The following SLC9A7 variants were observed in gnomAD, a reference collection of about 807,000 sequenced individuals.
SLC9A7 encodes the protein sodium/hydrogen exchanger 7.
In SLC9A7, 19 loss-of-function variants were observed where a neutral mutation model predicts 52.6. The ratio of observed to expected loss-of-function variants is 0.36; its 90% CI spans 0.25 to 0.53. The LOEUF (loss-of-function observed/expected upper bound fraction) is 0.53. Ranked by LOEUF, SLC9A7 falls within the 20% of genes least tolerant of loss-of-function variation. The pLI, the probability that SLC9A7 is intolerant of heterozygous loss-of-function variation, is 0.91. For synonymous variants in SLC9A7, 226 were observed against 252.1 expected, an observed-to-expected ratio of 0.90 and a Z score of 0.98; for missense variants, 455 against 597.9, an observed-to-expected ratio of 0.76 and a Z score of 2.49.
intron 14 of SLC9A7, among the ~76,000 whole-genome samples, chrX:46,629,837 C>CT (rs1473844116): frequency 1.8e-5 from 2 of 111,668 alleles, no homozygotes; most frequent in Non-Finnish European, 3.8e-5. Flanking sequence ...CAAGATCTCC[C>CT]AAACTGTTAT....
At chrX:46,662,195 C>T in intron 6 of SLC9A7, 38 bp from the exon 7 acceptor site, 1 of 1,163,298 alleles carries the variant, frequency 8.6e-7, no homozygotes, top group African/African-American at 1.8e-5. Context: ...TAAAAGACTG[C>T]ACAGGTTTTA....
At chrX:46,753,608 T>G (rs1227676880) in intron 1 of SLC9A7, among the ~76,000 whole-genome samples, 1 of 112,036 alleles carries the variant, frequency 8.9e-6, no homozygotes, top group East Asian at 2.8e-4. Flanking sequence ...CAACAAATAT[T>G]GCTGTCTATA....
At chrX:46,647,063 T>C in intron 11 of SLC9A7, 1 of 323,003 alleles carries the variant, frequency 3.1e-6, no homozygotes, top group South Asian at 3.1e-5. Context: ...ACCACCAGAG[T>C]GCCACTCATT....
intron 1 of SLC9A7, among the ~76,000 whole-genome samples, chrX:46,686,920 CG>C (rs1944304448): frequency 1.8e-5 from 2 of 112,203 alleles, no homozygotes; most frequent in Admixed American, 1.9e-4. Flanking sequence ...GGCAAAAATT[CG>C]AGACTGTTTC....
At chrX:46,686,363 C>G (rs1309001599) in intron 1 of SLC9A7, among the ~76,000 whole-genome samples, 2 of 111,864 alleles carry the variant, frequency 1.8e-5, no homozygotes, top group Admixed American at 9.5e-5. Context: ...GTTTGGGTAC[C>G]TCCCCAGACA....
chrX:46,606,622 C>T lies in SLC9A7; in HGVS notation c.*330G>A. The T allele has an allele frequency of 1.1e-6, 1 of 915,176 alleles. No individual in the cohort carries two copies. The highest frequency in any genetic ancestry group is 1.4e-6 in the Non-Finnish European group (1 of 739,870). The allele number at this position is 915,176 out of a possible 1,213,427, so 75.4% of individuals were successfully genotyped here. A position where few individuals can be genotyped will look rare whatever the true frequency, so the allele number is the denominator to read the frequency against. On this transcript the variant is annotated 3_prime_UTR_variant, in exon 17 of 17. Transcript: ENST00000616978. ...TCATGGGAGGAATCCCCCCACCCAG[C>T]ACCTGCCTCGCCTTGTTCAGATACT...
chrX:46,751,731 G>T (rs1922249224), intron 1 of SLC9A7, among the ~76,000 whole-genome samples: 1 of 110,786 alleles, frequency 9.0e-6, no homozygotes, highest in African/African-American at 3.3e-5. Flanking sequence ...GATCACTTGA[G>T]CCCAGGAAGT....
chrX:46,674,725 C>T (rs1803027033), intron 3 of SLC9A7, among the ~76,000 whole-genome samples: 1 of 111,877 alleles, frequency 8.9e-6, no homozygotes, highest in Admixed American at 9.6e-5. Context: ...GATCTTTCAT[C>T]CCACCCTTAT....
chrX:46,664,572 G>A (rs937198658), intron 5 of SLC9A7, among the ~76,000 whole-genome samples: 4 of 110,840 alleles, frequency 3.6e-5, no homozygotes, highest in Non-Finnish European at 7.6e-5. Flanking sequence ...ATAGAACTTT[G>A]TCAGTCCCCT....
At chrX:46,682,072 C>A (rs2072841) in intron 2 of SLC9A7, among the ~76,000 whole-genome samples, 4 of 111,685 alleles carry the variant, frequency 3.6e-5, no homozygotes, top group Non-Finnish European at 7.5e-5. Flanking sequence ...TGAGTGGGGA[C>A]GTACAAATCC....
chrX:46,604,314 T>G lies in SLC9A7; in HGVS notation c.*2638A>C, dbSNP rs776019162. 1.8e-5 allele frequency: 2 copies of G among 112,534 alleles called. No homozygotes were observed. The highest frequency in any genetic ancestry group is 3.7e-4 in the South Asian group (1 of 2,726). 9.3% of individuals were successfully genotyped at this position (112,534 alleles called of 1,213,427 possible). A position where few individuals can be genotyped will look rare whatever the true frequency, so the allele number is the denominator to read the frequency against. On this transcript the variant is annotated 3_prime_UTR_variant, in exon 17 of 17. Coordinates refer to ENST00000616978, the MANE Select transcript of SLC9A7 (RefSeq NM_001257291.2). ...TAGCCTAGTTGACCCTGAGGGCTCA[T>G]GGGTTTGGATAGGTTGTTTAGCATT...
At position 46,621,056 on chromosome X, in the gene SLC9A7, C is replaced by A. The variant is rs143878309; in HGVS notation, c.1744G>T (p.Gly582Cys). The A allele has an allele frequency of 3.4e-6, 4 of 1,191,363 alleles. No homozygotes were observed. Among genetic ancestry groups the A allele is most frequent in the African/African-American group, 3.5e-5 (2 of 56,888 alleles). Reference protein sequence around the residue: ...NDSFQVLQGDGPDSARGNRTK... With the variant: ...NDSFQVLQGDCPDSARGNRTK... The stretch of plus-strand genomic sequence containing the variant: ...CGGTTTCCTCTGGCAGAATCTGGGC[C>A]GTCCTAGGAACAAACAAGAGGGCAC... The change falls in exon 15 of 17, where the codon GGC (glycine) becomes TGC (cysteine). Residue 582 changes from glycine (G) to cysteine (C), a missense_variant. Gly to Cys is a radical substitution (Grantham distance 159). Coordinates refer to ENST00000616978, the MANE Select transcript of SLC9A7 (RefSeq NM_001257291.2).
chrX:46,653,417 G>T (rs1943616081), intron 8 of SLC9A7, among the ~76,000 whole-genome samples, 192 bp downstream of exon 8: 1 of 111,800 alleles, frequency 8.9e-6, no homozygotes, highest in Admixed American at 9.5e-5. Context: ...ATTAAAAAAA[G>T]TCTAGCTTTT....
intron 1 of SLC9A7, among the ~76,000 whole-genome samples, chrX:46,694,835 T>C (rs1944426937): frequency 8.9e-6 from 1 of 112,265 alleles, no homozygotes; most frequent in Non-Finnish European, 1.9e-5. Flanking sequence ...ACAACTCAAA[T>C]GTCCATCAAC....
chrX:46,709,622 A>C (rs1003558680), intron 1 of SLC9A7, among the ~76,000 whole-genome samples: 9 of 111,513 alleles, frequency 8.1e-5, no homozygotes, highest in African/African-American at 2.9e-4. Flanking sequence ...ACAAAAAAAA[A>C]CCCTACTGTA....
intron 1 of SLC9A7, among the ~76,000 whole-genome samples, chrX:46,697,322 A>T (rs775234556): frequency 7.3e-4 from 82 of 112,067 alleles, no homozygotes; most frequent in Non-Finnish European, 1.2e-3. Context: ...TGTTCTCACC[A>T]CAAACAAGTG....
intron 5 of SLC9A7, among the ~76,000 whole-genome samples, chrX:46,664,179 C>A (rs1422269540): frequency 9.0e-6 from 1 of 110,653 alleles, no homozygotes; most frequent in Non-Finnish European, 1.9e-5. Context: ...CATACAACTG[C>A]AAAAACTAAA....
At chrX:46,723,523 A>C in intron 1 of SLC9A7, among the ~76,000 whole-genome samples, 1 of 110,468 alleles carries the variant, frequency 9.1e-6, no homozygotes, top group East Asian at 2.8e-4. Flanking sequence ...GACCCTGTCA[A>C]GGATGCCAAG....
At chrX:46,619,410 CA>C (rs954589683) in intron 15 of SLC9A7, among the ~76,000 whole-genome samples, 6 of 109,653 alleles carry the variant, frequency 5.5e-5, no homozygotes, top group African/African-American at 1.3e-4. Context: ...GGTAGATTAC[CA>C]AAAAAAATAT....
Sources: gnomAD v4.1 joint callset for allele counts (sites outside exome capture counted in the v4.1 genomes callset) on GRCh38, gnomAD v4.1.1 for gene constraint, MANE v1.5 for transcripts, NCBI Gene and HGNC (gene_info 2026-07-23, HGNC 2026-07-21) for gene names.